Variants in KIT observed in about 807,000 individuals in gnomAD.
The protein encoded by KIT is KIT proto-oncogene, receptor tyrosine kinase.
In KIT, 16 loss-of-function variants were observed where a neutral mutation model predicts 105.7. The observed-to-expected ratio is 0.15, with a 90% confidence interval of 0.10 to 0.23. The LOEUF (loss-of-function observed/expected upper bound fraction) is 0.23. Ranked by LOEUF, KIT falls within the 10% of genes least tolerant of loss-of-function variation. The probability of loss-of-function intolerance (pLI) is 1.00; values close to 1 mark genes in which losing one functional copy is unlikely to be tolerated. For missense variants in KIT, 858 were observed against 1,213.8 expected (o/e 0.71, Z 4.36); for synonymous variants, 438 against 441.1 (o/e 0.99, Z 0.09).
At chr4:54,730,864 G>A (rs1027903403) in intron 14 of KIT, among the ~76,000 whole-genome samples, 1 of 152,136 alleles carries the variant, frequency 6.6e-6, no homozygotes, top group African/African-American at 2.4e-5. Context: ...GTGTTTATCT[G>A]AACCAACTTG....
At chr4:54,687,402 C>T (rs1477478214) in intron 1 of KIT, among the ~76,000 whole-genome samples, 2 of 151,976 alleles carry the variant, frequency 1.3e-5, no homozygotes, top group Non-Finnish European at 2.9e-5. Context: ...CGCGCCACTG[C>T]CCTCCAGCCT....
rs776395578 is a variant in KIT, at chr4:54,695,584, T to C, written c.140T>C (p.Ile47Thr). ...ATCCATCCAGGAAAATCAGACTTAA[T>C]AGTCCGCGTGGGCGACGAGATTAGG... ...PSIHPGKSDLIVRVGDEIRLL... is the reference protein window; with the variant it reads ...PSIHPGKSDLTVRVGDEIRLL... Residue 47 changes from isoleucine (I) to threonine (T), a missense_variant, in exon 2 of 21, where the codon ATA becomes ACA. Coordinates refer to ENST00000288135, the MANE Select transcript of KIT (RefSeq NM_000222.3). 4 of 1,614,212 alleles carry C rather than the reference T, an allele frequency of 2.5e-6. No homozygotes were observed. The Admixed American group carries it at 5.0e-5, about 20-fold the overall frequency.
intron 19 of KIT, 36 bp from the exon 20 acceptor site, chr4:54,737,139 A>T: frequency 7.4e-7 from 1 of 1,357,306 alleles, no homozygotes; most frequent in Non-Finnish European, 1.1e-6. Context: ...AGCTGAGGGC[A>T]TTGAGGAGGG....
intron 6 of KIT, 70 bp from the exon 7 acceptor site, chr4:54,709,354 A>C: frequency 2.1e-6 from 2 of 969,958 alleles, no homozygotes; most frequent in Admixed American, 3.4e-5. Context: ...TTCCAGGTAG[A>C]AACTGAAAAA....
chr4:54,708,030 T>G (rs969859109), intron 6 of KIT, among the ~76,000 whole-genome samples: 1 of 152,092 alleles, frequency 6.6e-6, no homozygotes, highest in African/African-American at 2.4e-5. Flanking sequence ...TGAGAGATGA[T>G]AGCGTCCTGG....
intron 1 of KIT, among the ~76,000 whole-genome samples, chr4:54,689,472 A>G (rs1213704349): frequency 1.3e-5 from 2 of 152,224 alleles, no homozygotes; most frequent in South Asian, 4.1e-4. Context: ...TCAGAGAGTT[A>G]AAAGACCTTT....
intron 8 of KIT, among the ~76,000 whole-genome samples, chr4:54,725,236 C>T (rs1722143244): frequency 6.6e-6 from 1 of 152,118 alleles, no homozygotes; most frequent in South Asian, 2.1e-4. Flanking sequence ...TCCCGAGTAG[C>T]TGGGATTACA....
intron 13 of KIT, 82 bp downstream of exon 13, chr4:54,728,203 AT>A: frequency 9.9e-7 from 1 of 1,007,840 alleles, no homozygotes; most frequent in Non-Finnish European, 1.6e-6. Context: ...GCAATGCTAG[AT>A]TATAAACTGC....
At chr4:54,694,901 T>C (rs2237021) in intron 1 of KIT, among the ~76,000 whole-genome samples, 57,315 of 152,116 alleles carry the variant, frequency 0.38, 12,616 homozygotes, top group Non-Finnish European at 0.5. Context: ...ATAAACTAAA[T>C]AGTTTCCTAT....
chr4:54,738,536 G>C lies in KIT; in HGVS notation c.2910G>C (p.Leu970=), dbSNP rs1253321593. The change falls in exon 21 of 21, where the codon CTG becomes CTC. Residue 970 remains leucine, a synonymous_variant. Coordinates refer to ENST00000288135, the MANE Select transcript of KIT (RefSeq NM_000222.3). ...GCACCGCTTCCTCCTCCCAGCCTCT[G>C]CTTGTGCACGACGATGTCTGAGCAG... ...VGSTASSSQP[L]LVHDDV is the part of the protein sequence containing the mutation. The C allele has an allele frequency of 6.2e-6, 10 of 1,614,036 alleles. No homozygotes were observed. Among genetic ancestry groups the C allele is most frequent in the African/African-American group, 1.3e-5 (1 of 75,022 alleles).
intron 4 of KIT, 85 bp downstream of exon 4, chr4:54,699,851 T>C: frequency 6.8e-7 from 1 of 1,468,492 alleles, no homozygotes; most frequent in East Asian, 2.3e-5. Flanking sequence ...GTCCTGAAAC[T>C]GCCTCGACTA....
chr4:54,736,065 G>A (rs934569056), intron 17 of KIT, among the ~76,000 whole-genome samples: 6 of 152,170 alleles, frequency 3.9e-5, no homozygotes, highest in South Asian at 2.1e-4. Context: ...GGCCAAAACC[G>A]AGTCACCTAA....
rs1016423308 is a variant in KIT at position 54,739,550 on chromosome 4, G to A, written c.*993G>A. 1 of 233,578 alleles carries A rather than the reference G, an allele frequency of 4.3e-6. No individual in the cohort carries two copies. The highest frequency in any genetic ancestry group is 5.6e-5 in the Admixed American group (1 of 17,800). The allele number at this position is 233,578 out of a possible 1,614,324, so 14.5% of individuals were successfully genotyped here. A position where few individuals can be genotyped will look rare whatever the true frequency, so the allele number is the denominator to read the frequency against. ...ACTGATTCACTGCATGGCTCCCACA[G>A]GAGTGGGAAAACACTGCCATCTTAG... On this transcript the variant is annotated 3_prime_UTR_variant, in exon 21 of 21. Coordinates refer to ENST00000288135, the MANE Select transcript of KIT (RefSeq NM_000222.3).
At chr4:54,687,960 G>A (rs1447902457) in intron 1 of KIT, among the ~76,000 whole-genome samples, 3 of 152,162 alleles carry the variant, frequency 2.0e-5, no homozygotes, top group Non-Finnish European at 4.4e-5. Flanking sequence ...CAGTACATGC[G>A]TGATGAAAGG....
intron 5 of KIT, among the ~76,000 whole-genome samples, chr4:54,705,200 A>T (rs1720712610): frequency 6.6e-6 from 1 of 152,222 alleles, no homozygotes; most frequent in South Asian, 2.1e-4. Flanking sequence ...GTTGTATGTA[A>T]TCGGATTTTT....
intron 15 of KIT, 54 bp downstream of exon 15, chr4:54,731,473 T>C: frequency 8.6e-7 from 1 of 1,159,534 alleles, no homozygotes; most frequent in Non-Finnish European, 1.3e-6. Flanking sequence ...AGTATGTATA[T>C]CATGCTAATG....
intron 8 of KIT, among the ~76,000 whole-genome samples, 196 bp downstream of exon 8, chr4:54,723,894 T>A (rs569723328): frequency 1.5e-4 from 23 of 152,284 alleles, no homozygotes; most frequent in African/African-American, 4.6e-4. Flanking sequence ...TGCTGAAAAA[T>A]CATTACTGAA....
intron 13 of KIT, 43 bp downstream of exon 13, chr4:54,728,164 T>C (rs765560317): frequency 5.3e-5 from 72 of 1,367,816 alleles, no homozygotes; most frequent in Non-Finnish European, 7.3e-5. Context: ...TGTCAGGTTA[T>C]CAAAACATGA....
intron 19 of KIT, 139 bp from the exon 20 acceptor site, chr4:54,737,036 T>A: frequency 2.7e-6 from 2 of 732,364 alleles, no homozygotes; most frequent in Non-Finnish European, 5.0e-6. Flanking sequence ...ATACATGCAG[T>A]GTTTTATGTT....
Sources: allele counts gnomAD v4.1 joint callset (sites outside exome capture counted in the v4.1 genomes callset), GRCh38; gene constraint gnomAD v4.1.1; transcripts MANE v1.5; gene names NCBI Gene and HGNC (gene_info 2026-07-23, HGNC 2026-07-21).